The following SHLD2 variants were observed in gnomAD, a reference collection of about 807,000 sequenced individuals.
SHLD2 encodes the protein shieldin complex subunit 2, also known as RINN1-REV7-interacting novel NHEJ regulator 2.
A neutral mutation model predicts 73.2 loss-of-function variants in SHLD2; 30 were observed. That is an observed-to-expected ratio of 0.41 (90% CI 0.31 to 0.56). The LOEUF (loss-of-function observed/expected upper bound fraction) is 0.56, where lower values mean the gene tolerates loss of function less well. SHLD2 is among the 20% of genes least tolerant of loss of function. The pLI is 0.28. For missense variants in SHLD2, 745 were observed against 1,055.9 expected (o/e 0.71, Z 4.08); for synonymous variants, 285 against 370.1 (o/e 0.77, Z 2.64).
intron 3 of SHLD2, among the ~76,000 whole-genome samples, chr10:87,155,536 G>A (rs34934040): frequency 0.68 from 103,229 of 151,502 alleles, 35,934 homozygotes; most frequent in Middle Eastern, 0.89. Context: ...TGTTTCATTA[G>A]TTGATTTAGT....
chr10:87,144,307 A>G (rs1389224665), intron 2 of SHLD2, among the ~76,000 whole-genome samples: 2 of 152,178 alleles, frequency 1.3e-5, no homozygotes, highest in Admixed American at 1.3e-4. Flanking sequence ...AGAATAAGAG[A>G]GGCTCACCCG....
chr10:87,099,070 C>G (rs1413900908), intron 2 of SHLD2, among the ~76,000 whole-genome samples: 1 of 152,178 alleles, frequency 6.6e-6, no homozygotes, highest in African/African-American at 2.4e-5. Flanking sequence ...GCCACCATGC[C>G]TCACACAATA....
chr10:87,165,312 GGA>G (rs1052999466), intron 4 of SHLD2, among the ~76,000 whole-genome samples: 84 of 152,240 alleles, frequency 5.5e-4, no homozygotes, highest in African/African-American at 1.6e-3. Context: ...GAAAGTTTGA[GGA>G]GAGAGAGCAT....
chr10:87,127,779 A>G (rs545487531), intron 2 of SHLD2, among the ~76,000 whole-genome samples: 124 of 151,622 alleles, frequency 8.2e-4, no homozygotes, highest in African/African-American at 2.9e-3. Flanking sequence ...CTTAAGCTTT[A>G]CAACAGTCCT....
intron 2 of SHLD2, among the ~76,000 whole-genome samples, chr10:87,105,421 A>G (rs1842534644): frequency 6.6e-6 from 1 of 152,226 alleles, no homozygotes; most frequent in African/African-American, 2.4e-5. Flanking sequence ...AGACATGTCA[A>G]TGAAGGACTA....
intron 4 of SHLD2, among the ~76,000 whole-genome samples, chr10:87,170,100 A>G (rs1281643893): frequency 6.6e-6 from 1 of 152,202 alleles, no homozygotes; most frequent in East Asian, 1.9e-4. Context: ...TAGTTGGGAA[A>G]GCAGGATCAA....
rs768498947 is a variant in SHLD2 at position 87,152,256 on chromosome 10, A to G, written c.902A>G (p.Glu301Gly). ...CTTGATGGTTTTACAGAAGCATATG[A>G]AAGTGGACAAAACCAAGCATATTCC... ...IQLDGFTEAY[E>G]SGQNQAYSLE... Residue 301 changes from glutamate to glycine, a missense_variant, in exon 3 of 10, where the codon GAA becomes GGA. Around this residue, in one of 5 missense-constraint regions of SHLD2, gnomAD observed 280 missense variants for 353.9 expected, o/e 0.79. Transcript: ENST00000298786. 5 of 1,561,366 alleles carry G rather than the reference A, an allele frequency of 3.2e-6. No individual in the cohort carries two copies. Among genetic ancestry groups the G allele is most frequent in the Admixed American group, 1.8e-5 (1 of 55,516 alleles).
intron 4 of SHLD2, among the ~76,000 whole-genome samples, chr10:87,164,805 G>A (rs3129466): frequency 6.6e-6 from 1 of 152,126 alleles, no homozygotes; most frequent in African/African-American, 2.4e-5. Context: ...AAAGATATAT[G>A]TATTTCATTA....
At chr10:87,115,079 C>T (rs570915526) in intron 2 of SHLD2, among the ~76,000 whole-genome samples, 2 of 152,094 alleles carry the variant, frequency 1.3e-5, no homozygotes, top group African/African-American at 2.4e-5. Flanking sequence ...GAGACAGAGT[C>T]GTGCTCTGTC....
chr10:87,111,769 C>T (rs1447486161), intron 2 of SHLD2, among the ~76,000 whole-genome samples: 4 of 151,140 alleles, frequency 2.6e-5, no homozygotes, highest in Non-Finnish European at 5.9e-5. Flanking sequence ...TGAGCCACTG[C>T]ACCTGGCCAA....
chr10:87,149,168 G>A (rs934280028), intron 2 of SHLD2, among the ~76,000 whole-genome samples: 4 of 151,800 alleles, frequency 2.6e-5, no homozygotes, highest in African/African-American at 9.7e-5. Context: ...GATTACAGGC[G>A]TGAGCCACCA....
chr10:87,126,182 G>C (rs1843995469), intron 2 of SHLD2, among the ~76,000 whole-genome samples: 1 of 152,082 alleles, frequency 6.6e-6, no homozygotes, highest in Non-Finnish European at 1.5e-5. Context: ...GGGCTCGTGT[G>C]GTCCTCCCAA....
intron 2 of SHLD2, among the ~76,000 whole-genome samples, chr10:87,102,027 G>A (rs989739391): frequency 2.6e-5 from 4 of 151,852 alleles, no homozygotes; most frequent in African/African-American, 7.3e-5. Flanking sequence ...TTCTTTTTTT[G>A]TTTCCAATCT....
chr10:87,172,328 A>C (rs1847645195), intron 6 of SHLD2, among the ~76,000 whole-genome samples: 1 of 152,170 alleles, frequency 6.6e-6, no homozygotes. Flanking sequence ...ATTCCCAGCA[A>C]AGAGAATCTG....
chr10:87,140,608 A>G (rs1845125079), intron 2 of SHLD2, among the ~76,000 whole-genome samples: 1 of 151,754 alleles, frequency 6.6e-6, no homozygotes, highest in African/African-American at 2.4e-5. Flanking sequence ...TCTGATGATA[A>G]CCATAAACTC....
intron 8 of SHLD2, among the ~76,000 whole-genome samples, chr10:87,186,332 C>A (rs573811877): frequency 6.6e-6 from 1 of 152,286 alleles, no homozygotes; most frequent in African/African-American, 2.4e-5. Flanking sequence ...TTTTAAAAAT[C>A]AATGTAGTTA....
At chr10:87,119,256 C>A (rs1843439698) in intron 2 of SHLD2, among the ~76,000 whole-genome samples, 1 of 152,056 alleles carries the variant, frequency 6.6e-6, no homozygotes, top group South Asian at 2.1e-4. Flanking sequence ...CCTGCCTGGG[C>A]AAACATAGAC....
intron 1 of SHLD2, 135 bp from the exon 2 acceptor site, chr10:87,096,799 T>G (rs1841931264): frequency 6.6e-6 from 1 of 152,250 alleles, no homozygotes; most frequent in Non-Finnish European, 1.5e-5. Context: ...GGTGACAACC[T>G]GGATCTGTTA....
chr10:87,114,703 C>T (rs982470556), intron 2 of SHLD2, among the ~76,000 whole-genome samples: 2 of 151,742 alleles, frequency 1.3e-5, no homozygotes, highest in Non-Finnish European at 1.5e-5. Context: ...CCAGCCTGGG[C>T]GACAGAGCAA....
Sources: gnomAD v4.1 joint callset for allele counts (sites outside exome capture counted in the v4.1 genomes callset) on GRCh38, gnomAD v4.1.1 for gene constraint, gnomAD v4.1.1 regional missense constraint, MANE v1.5 for transcripts, NCBI Gene and HGNC (gene_info 2026-07-23, HGNC 2026-07-21) for gene names.